Variants in GTF2IRD1 observed in about 807,000 individuals in gnomAD.
GTF2IRD1 encodes general transcription factor II-I repeat domain-containing protein 1.
In GTF2IRD1, 26 loss-of-function variants were observed where a neutral mutation model predicts 113.2. That is an observed-to-expected ratio of 0.23 (90% CI 0.17 to 0.32). The LOEUF (loss-of-function observed/expected upper bound fraction) is 0.32, where lower values mean the gene tolerates loss of function less well. Ranked by LOEUF, GTF2IRD1 falls within the 10% of genes least tolerant of loss-of-function variation. The probability of loss-of-function intolerance (pLI) is 1.00; values close to 1 mark genes in which losing one functional copy is unlikely to be tolerated. For missense variants in GTF2IRD1, 864 were observed against 1,280.8 expected, an observed-to-expected ratio of 0.67 and a Z score of 4.97; for synonymous variants, 484 against 529.1, an observed-to-expected ratio of 0.91 and a Z score of 1.17.
intron 22 of GTF2IRD1, among the ~76,000 whole-genome samples, chr7:74,564,106 A>C (rs1317955451): frequency 1.3e-5 from 2 of 151,514 alleles, no homozygotes; most frequent in Non-Finnish European, 2.9e-5. Flanking sequence ...GGCTCACTGC[A>C]ACCTCCACCT....
chr7:74,459,226 G>A (rs1402929761), intron 1 of GTF2IRD1, among the ~76,000 whole-genome samples: 5 of 152,170 alleles, frequency 3.3e-5, no homozygotes, highest in Middle Eastern at 6.8e-3. Flanking sequence ...TCGGGAGACC[G>A]AGGCGGGCGG....
At position 74,529,922 on chromosome 7, in the gene GTF2IRD1, G is replaced by A. The variant is rs375185676; in HGVS notation, c.1274+5G>A. 1.6e-4 allele frequency: 251 copies of A among 1,608,444 alleles called. No individual in the cohort carries two copies. Among genetic ancestry groups the A allele is most frequent in the Non-Finnish European group, 2.0e-4 (230 of 1,176,056 alleles). Reference sequence around the variant, plus strand: ...TATCCACTTCATCATTAAGAGGTGCGGGTGGGGCTGGGCGCAGTGGCTCAT... The same window carrying A: ...TATCCACTTCATCATTAAGAGGTGCAGGTGGGGCTGGGCGCAGTGGCTCAT... On this transcript the variant is annotated splice_donor_5th_base_variant and intron_variant, in intron 9 of 26. Coordinates refer to ENST00000424337, the MANE Select transcript of GTF2IRD1 (RefSeq NM_005685.4).
At chr7:74,469,927 ACCAAAAAAG>A (rs1476673978) in intron 1 of GTF2IRD1, among the ~76,000 whole-genome samples, 1 of 152,048 alleles carries the variant, frequency 6.6e-6, no homozygotes, top group African/African-American at 2.4e-5. Context: ...CCCTGTCTCT[ACCAAAAAAG>A]ATAAAAATTA....
chr7:74,602,424 T>C lies in GTF2IRD1; in HGVS notation c.2826T>C (p.Leu942=). 2.5e-6 allele frequency: 4 copies of C among 1,613,208 alleles called. No homozygotes were observed. The highest frequency in any genetic ancestry group is 3.4e-6 in the Non-Finnish European group (4 of 1,179,286). The stretch of plus-strand genomic sequence containing the variant: ...TGAACGTGCAGCTCCCGGGACCTCT[T>C]AATTACTAGACCTCAGTACTGAATC... The part of the protein sequence containing the change: ...AGLNVQLPGP[L]NY Residue 942 remains leucine (L), a synonymous_variant, in exon 27 of 27, where the codon CTT becomes CTC. Coordinates refer to ENST00000424337, the MANE Select transcript of GTF2IRD1 (RefSeq NM_005685.4).
chr7:74,469,063 C>T (rs1436641904), intron 1 of GTF2IRD1, among the ~76,000 whole-genome samples: 6 of 143,446 alleles, frequency 4.2e-5, no homozygotes, highest in Non-Finnish European at 6.0e-5. Context: ...CCAGCCTGGA[C>T]GACAGAGCGA....
intron 1 of GTF2IRD1, among the ~76,000 whole-genome samples, chr7:74,496,313 TG>T (rs375122567): frequency 1.7e-5 from 2 of 118,110 alleles, no homozygotes; most frequent in East Asian, 2.9e-4. Context: ...TGTGTGGGGG[TG>T]GGGGTGTGCA....
intron 25 of GTF2IRD1, among the ~76,000 whole-genome samples, chr7:74,599,801 G>T (rs587771089): frequency 6.6e-6 from 1 of 152,264 alleles, no homozygotes; most frequent in South Asian, 2.1e-4. Context: ...GGGATTACCA[G>T]TGTGAGCCAC....
rs782521113 is a variant in GTF2IRD1 at position 74,535,113 on chromosome 7, G to A, written c.1275G>A (p.Arg425=). The part of the protein sequence containing the change: ...ERHSIHFIIK[R]MFDERIFTGN... ...ATGCCTGTCTCTCTTCTCTCCCCAG[G>A]ATGTTTGATGAGCGAATTTTCACAG... Residue 425 remains arginine (R), a splice_region_variant and synonymous_variant, in exon 10 of 27, where the codon AGG becomes AGA. Coordinates refer to ENST00000424337, the MANE Select transcript of GTF2IRD1 (RefSeq NM_005685.4). 9 of 1,613,118 alleles carry A rather than the reference G, an allele frequency of 5.6e-6. 1 individual carries two copies. The East Asian group carries it at 2.0e-4, about 36-fold the overall frequency.
intron 22 of GTF2IRD1, among the ~76,000 whole-genome samples, chr7:74,583,576 G>A (rs1276366141): frequency 2.0e-5 from 3 of 151,494 alleles, no homozygotes; most frequent in African/African-American, 7.3e-5. Context: ...TCCCCAAACT[G>A]CCAGCCCCCT....
At chr7:74,543,883 A>C (rs1379092397) in intron 14 of GTF2IRD1, among the ~76,000 whole-genome samples, 1 of 150,184 alleles carries the variant, frequency 6.7e-6, no homozygotes, top group Non-Finnish European at 1.5e-5. Flanking sequence ...AAAAAAAAAA[A>C]AAAAAAAAAA....
chr7:74,600,287 C>T (rs989029278), intron 25 of GTF2IRD1, among the ~76,000 whole-genome samples: 4 of 151,926 alleles, frequency 2.6e-5, no homozygotes, highest in Non-Finnish European at 4.4e-5. Flanking sequence ...GGCATGGTGG[C>T]GCGCACGTAT....
At chr7:74,547,815 C>A (rs1554353810) in intron 17 of GTF2IRD1, among the ~76,000 whole-genome samples, 12 of 139,456 alleles carry the variant, frequency 8.6e-5, no homozygotes, top group Non-Finnish European at 1.5e-5. Flanking sequence ...CTGCAGTTGG[C>A]AGACATGAGG....
At chr7:74,526,101 C>T (rs1479191291) in intron 8 of GTF2IRD1, among the ~76,000 whole-genome samples, 1 of 152,216 alleles carries the variant, frequency 6.6e-6, no homozygotes, top group Non-Finnish European at 1.5e-5. Context: ...AGGTGTGAGC[C>T]AGGCGGAGGT....
chr7:74,601,387 A>G, intron 26 of GTF2IRD1: 1 of 1,504,282 alleles, frequency 6.6e-7, no homozygotes, highest in Non-Finnish European at 8.9e-7. Context: ...ACTCACAGGC[A>G]CTCAGGCAGG....
chr7:74,459,253 A>T lies in GTF2IRD1; in HGVS notation c.-7+5077A>T, dbSNP rs1246946645. ...GGCGGGCGGATCACCTGAGGTCAGG[A>T]GTTTGACTAGCCTGGCCAACACGGT... On this transcript the variant is annotated intron_variant, in intron 1 of 26. Transcript: ENST00000424337. Among the ~76,000 whole-genome samples the T allele has an allele frequency of 2.0e-5, 3 of 152,088 alleles. No homozygotes were observed. In the East Asian group the frequency reaches 5.8e-4, roughly 30 times the overall value.
chr7:74,462,214 A>G (rs1051331347), intron 1 of GTF2IRD1, among the ~76,000 whole-genome samples: 9 of 151,692 alleles, frequency 5.9e-5, no homozygotes, highest in African/African-American at 1.9e-4. Context: ...TCTCTTAAAA[A>G]AAAAATTAGC....
At chr7:74,496,598 G>T (rs1163166387) in intron 1 of GTF2IRD1, among the ~76,000 whole-genome samples, 2 of 150,050 alleles carry the variant, frequency 1.3e-5, no homozygotes, top group African/African-American at 4.9e-5. Flanking sequence ...GGGTGGGTGT[G>T]GGTGTGCATG....
intron 9 of GTF2IRD1, among the ~76,000 whole-genome samples, chr7:74,530,612 C>A (rs146550900): frequency 1.1e-5 from 1 of 90,676 alleles, no homozygotes; most frequent in African/African-American, 4.3e-5. Flanking sequence ...AAAAAAAAGG[C>A]GGCAGGGGTG....
chr7:74,521,899 T>C (rs1382161199), intron 7 of GTF2IRD1, among the ~76,000 whole-genome samples: 3 of 152,194 alleles, frequency 2.0e-5, no homozygotes, highest in Non-Finnish European at 4.4e-5. Context: ...GGGTCTTTCA[T>C]GAGGATGCAG....
Sources: allele counts gnomAD v4.1 joint callset (sites outside exome capture counted in the v4.1 genomes callset), GRCh38; gene constraint gnomAD v4.1.1; transcripts MANE v1.5; gene names NCBI Gene and HGNC (gene_info 2026-07-23, HGNC 2026-07-21).